SAMHD1: variants seen among roughly 807,000 people sequenced by gnomAD.
The protein encoded by SAMHD1 is deoxynucleoside triphosphate triphosphohydrolase SAMHD1.
Under a neutral mutation model 79.6 loss-of-function variants are expected in SAMHD1, and 54 were observed. The ratio of observed to expected loss-of-function variants is 0.68; its 90% CI spans 0.55 to 0.85. The LOEUF (loss-of-function observed/expected upper bound fraction) is 0.85. Ranked by LOEUF, SAMHD1 falls within the 40% of genes least tolerant of loss-of-function variation. The pLI is 0.00. For missense variants in SAMHD1, 663 were observed against 782.7 expected (o/e 0.85, Z 1.82); for synonymous variants, 260 against 264.1 (o/e 0.98, Z 0.15).
intron 14 of SAMHD1, 142 bp downstream of exon 14, chr20:36,898,298 G>A: frequency 1.4e-6 from 1 of 731,982 alleles, no homozygotes; most frequent in Non-Finnish European, 2.4e-6. Context: ...AAAACACTGG[G>A]ATTACAGGTA....
chr20:36,899,068 C>T (rs1187022058), intron 13 of SAMHD1, among the ~76,000 whole-genome samples: 1 of 151,848 alleles, frequency 6.6e-6, no homozygotes, highest in African/African-American at 2.4e-5. Flanking sequence ...ATGGGAAATG[C>T]ACTTGTGTGT....
intron 9 of SAMHD1, among the ~76,000 whole-genome samples, chr20:36,914,598 G>T (rs936299167): frequency 2.0e-5 from 3 of 151,914 alleles, no homozygotes; most frequent in Non-Finnish European, 4.4e-5. Context: ...AACCTCAGGT[G>T]ATCTGCCCAC....
intron 3 of SAMHD1, 83 bp downstream of exon 3, chr20:36,940,956 C>T: frequency 9.7e-7 from 1 of 1,032,410 alleles, no homozygotes; most frequent in Non-Finnish European, 1.5e-6. Flanking sequence ...CAGATTTCCT[C>T]CTATTCTCTT....
At chr20:36,911,472 T>C in intron 10 of SAMHD1, 139 bp from the exon 11 acceptor site, 1 of 660,762 alleles carries the variant, frequency 1.5e-6, no homozygotes. Flanking sequence ...TTCTCCACCG[T>C]ACTAAATTTG....
In SAMHD1 at chr20:36,946,731, T is replaced by C; in HGVS notation, c.275+7A>G. ...GTTATAACGTGAATTTATTTCTTCA[T>C]TCTTACCTTACTCCAAGATTTTCAA... On this transcript the variant is annotated splice_region_variant and intron_variant, in intron 2 of 15. Coordinates refer to ENST00000646673, the MANE Select transcript of SAMHD1 (RefSeq NM_015474.4). The C allele has an allele frequency of 6.2e-7, 1 of 1,606,814 alleles. No homozygotes were observed. Among genetic ancestry groups the C allele is most frequent in the Non-Finnish European group, 8.5e-7 (1 of 1,174,154 alleles).
chr20:36,946,759 C>T lies in SAMHD1; in HGVS notation c.254G>A (p.Arg85His), dbSNP rs1274894909. The T allele has an allele frequency of 6.2e-6, 10 of 1,612,700 alleles. No homozygotes were observed. Among genetic ancestry groups the T allele is most frequent in the East Asian group, 2.2e-5 (1 of 44,864 alleles). ...TTACCTTACTCCAAGATTTTCAAAA[C>T]GAGACTCATCAAGACAAGGCAGTAA... ...GALLPCLDES[R>H]FENLGVSSLG... The change falls in exon 2 of 16, where the codon CGT becomes CAT. Residue 85 changes from arginine (R) to histidine (H), a missense_variant. Arg to His is a conservative substitution (Grantham distance 29, BLOSUM62 0). Coordinates refer to ENST00000646673, the MANE Select transcript of SAMHD1 (RefSeq NM_015474.4).
intron 7 of SAMHD1, 100 bp downstream of exon 7, chr20:36,919,264 T>C (rs1601132254): frequency 2.7e-6 from 3 of 1,115,284 alleles, no homozygotes; most frequent in Non-Finnish European, 2.7e-6. Context: ...TATTTTATCA[T>C]TTAGCCTCTA....
intron 15 of SAMHD1, chr20:36,894,268 G>C (rs530339665): frequency 4.3e-4 from 77 of 180,024 alleles, no homozygotes; most frequent in African/African-American, 1.7e-3. Flanking sequence ...ATGGAATTTT[G>C]CTCTGTCACC....
chr20:36,908,154 G>A (rs1456930421), intron 11 of SAMHD1, among the ~76,000 whole-genome samples: 2 of 152,092 alleles, frequency 1.3e-5, no homozygotes, highest in Non-Finnish European at 2.9e-5. Flanking sequence ...GGGATTATAG[G>A]CGTGAGCCAC....
chr20:36,890,549 C>A lies in SAMHD1; in HGVS notation c.*2383G>T, dbSNP rs1023350224. On this transcript the variant is annotated 3_prime_UTR_variant, in exon 16 of 16. Transcript: ENST00000646673. ...GCCTGATCTTGGCTCACTGCAACCT[C>A]TGCCTCCCGGATTCAAGCGATTCTC... The A allele has an allele frequency of 3.9e-5, 6 of 152,056 alleles. No individual in the cohort carries two copies. Among genetic ancestry groups the A allele is most frequent in the African/African-American group, 1.5e-4 (6 of 41,360 alleles). 9.4% of individuals were successfully genotyped at this position (152,056 alleles called of 1,614,324 possible).
At chr20:36,894,703 G>A (rs1277080178) in intron 15 of SAMHD1, among the ~76,000 whole-genome samples, 2 of 151,498 alleles carry the variant, frequency 1.3e-5, no homozygotes, top group Non-Finnish European at 2.9e-5. Context: ...GGAGGTGGAG[G>A]TTGCAGTGAG....
rs753611896 is a variant in SAMHD1 at position 36,893,061 on chromosome 20, G to A, written c.1752C>T (p.Gly584=). The A allele has an allele frequency of 4.3e-5, 69 of 1,612,684 alleles. No homozygotes were observed. The East Asian group carries it at 8.9e-4, about 21-fold the overall frequency. The part of the protein sequence containing the change: ...ADRNFTKPQD[G]DVIAPLITPQ... Reference sequence around the variant, plus strand: ...GTGTTATGAGTGGGGCTATAACATCGCCATCCTATTAGGAAGAGAGAGAAA... The same window carrying A: ...GTGTTATGAGTGGGGCTATAACATCACCATCCTATTAGGAAGAGAGAGAAA... Residue 584 remains glycine (G), a synonymous_variant, in exon 16 of 16, where the codon GGC becomes GGT. Transcript: ENST00000646673.
intron 15 of SAMHD1, among the ~76,000 whole-genome samples, chr20:36,895,898 T>G (rs970947164): frequency 2.6e-5 from 4 of 152,082 alleles, no homozygotes; most frequent in African/African-American, 9.7e-5. Context: ...GAATTTCTTC[T>G]TGTCATGATT....
rs1601107814 is a variant in SAMHD1, at chr20:36,892,547, T to C, written c.*385A>G. On this transcript the variant is annotated 3_prime_UTR_variant, in exon 16 of 16. Coordinates refer to ENST00000646673, the MANE Select transcript of SAMHD1 (RefSeq NM_015474.4). ...GGCACATGACTTTAGTCCCAGCTAC[T>C]TGGGGGGCTGAGGCAGGAGGGTCGC... 2 of 270,770 alleles carry C rather than the reference T, an allele frequency of 7.4e-6. No homozygotes were observed. Among genetic ancestry groups the C allele is most frequent in the East Asian group, 9.9e-5 (1 of 10,144 alleles). 16.8% of individuals were successfully genotyped at this position (270,770 alleles called of 1,614,324 possible).
intron 4 of SAMHD1, 156 bp downstream of exon 4, chr20:36,934,873 G>A (rs1236948382): frequency 2.9e-6 from 2 of 694,512 alleles, no homozygotes; most frequent in African/African-American, 1.8e-5. Context: ...GGCCAGGCTG[G>A]TCTTGAACTC....
chr20:36,909,942 T>C (rs1418406265), intron 11 of SAMHD1, among the ~76,000 whole-genome samples: 1 of 151,692 alleles, frequency 6.6e-6, no homozygotes, highest in African/African-American at 2.4e-5. Flanking sequence ...ATTACTCAGG[T>C]GTGGCCGGGC....
At chr20:36,933,425 G>A (rs1245551976) in intron 4 of SAMHD1, among the ~76,000 whole-genome samples, 1 of 152,084 alleles carries the variant, frequency 6.6e-6, no homozygotes, top group African/African-American at 2.4e-5. Context: ...AGAGTAAATA[G>A]AGAATACAGA....
At chr20:36,919,054 T>C (rs1015543502) in intron 7 of SAMHD1, among the ~76,000 whole-genome samples, 2 of 152,070 alleles carry the variant, frequency 1.3e-5, no homozygotes, top group Non-Finnish European at 2.9e-5. Flanking sequence ...GAGGATCGCT[T>C]GAGCCTGGGA....
At chr20:36,925,218 A>C (rs1264553735) in intron 6 of SAMHD1, among the ~76,000 whole-genome samples, 9 of 152,148 alleles carry the variant, frequency 5.9e-5, no homozygotes, top group Admixed American at 4.6e-4. Context: ...TAAATTGTAC[A>C]CGAGCTAAGG....
Sources: gnomAD v4.1 joint callset for allele counts (sites outside exome capture counted in the v4.1 genomes callset) on GRCh38, gnomAD v4.1.1 for gene constraint, MANE v1.5 for transcripts, NCBI Gene and HGNC (gene_info 2026-07-23, HGNC 2026-07-21) for gene names.